The following GRM8 variants were observed in gnomAD, a reference collection of about 807,000 sequenced individuals.
The protein encoded by GRM8 is glutamate metabotropic receptor 8.
In GRM8, 47 loss-of-function variants were observed where a neutral mutation model predicts 87.2. The ratio of observed to expected loss-of-function variants is 0.54; its 90% CI spans 0.43 to 0.69. The LOEUF is 0.69. Among genes scored for constraint, GRM8 ranks in the 30% least tolerant of loss-of-function variants. The pLI is 0.00. For synonymous variants in GRM8, 396 were observed against 404.5 expected (o/e 0.98, Z 0.25); for missense variants, 1,019 against 1,139.2 (o/e 0.89, Z 1.52).
At chr7:126,735,704 G>A (rs1029116364) in intron 7 of GRM8, among the ~76,000 whole-genome samples, 2 of 151,878 alleles carry the variant, frequency 1.3e-5, no homozygotes, top group South Asian at 2.1e-4. Flanking sequence ...CTCTGTCCTC[G>A]CAGTAGACTA....
chr7:126,641,841 T>A (rs1256732457), intron 7 of GRM8, among the ~76,000 whole-genome samples: 1 of 152,152 alleles, frequency 6.6e-6, no homozygotes, highest in Non-Finnish European at 1.5e-5. Flanking sequence ...CACAAAGGTA[T>A]GAGGATCCAA....
At chr7:126,692,100 G>C (rs1808884597) in intron 7 of GRM8, among the ~76,000 whole-genome samples, 1 of 152,146 alleles carries the variant, frequency 6.6e-6, no homozygotes, top group African/African-American at 2.4e-5. Flanking sequence ...GGAGGGGAAA[G>C]CCAGGAATAG....
At chr7:126,862,968 C>T (rs972777866) in intron 6 of GRM8, among the ~76,000 whole-genome samples, 14 of 151,998 alleles carry the variant, frequency 9.2e-5, no homozygotes, top group African/African-American at 3.4e-4. Context: ...TTACTTTGTG[C>T]TTCTTCTTGT....
Position 126,533,574 on chromosome 7 carries a change from A to G in GRM8, c.1808T>C (p.Val603Ala). 3.1e-6 allele frequency: 5 copies of G among 1,614,174 alleles called. No homozygotes were observed. In the Middle Eastern group the frequency reaches 8.2e-4, roughly 266 times the overall value. ...TGTGTCATTATAGCGGACAAAGGTC[A>G]CGATCACAAAGGTGGTGGCGATGAT... ...LGIIATTFVI[V>A]TFVRYNDTPI... The change falls in exon 9 of 11, where the codon GTG becomes GCG. Residue 603 changes from valine to alanine, a missense_variant. Val to Ala is a moderately conservative substitution (Grantham distance 64, BLOSUM62 0). Coordinates refer to ENST00000339582, the MANE Select transcript of GRM8 (RefSeq NM_000845.3).
intron 3 of GRM8, among the ~76,000 whole-genome samples, chr7:126,934,840 T>G (rs1806133618): frequency 6.6e-6 from 1 of 152,224 alleles, no homozygotes; most frequent in South Asian, 2.1e-4. Flanking sequence ...TGGAGCCATG[T>G]GTCAAAAGAT....
chr7:126,908,153 C>G (rs2131269321), intron 3 of GRM8, among the ~76,000 whole-genome samples: 1 of 152,220 alleles, frequency 6.6e-6, no homozygotes, highest in African/African-American at 2.4e-5. Flanking sequence ...AATTGTAATA[C>G]TTTCGTCAGG....
At chr7:126,554,800 T>C (rs1038323464) in intron 8 of GRM8, among the ~76,000 whole-genome samples, 2 of 152,244 alleles carry the variant, frequency 1.3e-5, no homozygotes, top group Non-Finnish European at 2.9e-5. Context: ...TATTGTCATA[T>C]ATGTTATTTT....
intron 3 of GRM8, among the ~76,000 whole-genome samples, chr7:127,015,241 GAAGAAGAAGAAGAAGAAGAAA>G (rs1374276712): frequency 1.1e-4 from 13 of 120,842 alleles, no homozygotes; most frequent in African/African-American, 1.9e-4. Context: ...AGAAGAAGAA[GAAGAAGAAGAAGAAGAAGAAA>G]AGAGAGAGAG....
chr7:126,879,186 G>A (rs1411952424), intron 6 of GRM8, among the ~76,000 whole-genome samples: 1 of 145,132 alleles, frequency 6.9e-6, no homozygotes, highest in Non-Finnish European at 1.5e-5. Context: ...CGGGGGAGGG[G>A]GCAGGGAGGA....
At chr7:126,830,302 C>T (rs1795235186) in intron 6 of GRM8, among the ~76,000 whole-genome samples, 1 of 152,198 alleles carries the variant, frequency 6.6e-6, no homozygotes, top group Admixed American at 6.5e-5. Context: ...GAGTGTTTTC[C>T]AACTTGGTTC....
At chr7:127,248,954 T>C in intron 1 of GRM8, among the ~76,000 whole-genome samples, 1 of 152,206 alleles carries the variant, frequency 6.6e-6, no homozygotes, top group East Asian at 1.9e-4. Flanking sequence ...ACACTGAGCA[T>C]CTAAATCGCT....
chr7:126,978,798 T>C (rs1290102488), intron 3 of GRM8, among the ~76,000 whole-genome samples: 1 of 152,188 alleles, frequency 6.6e-6, no homozygotes, highest in African/African-American at 2.4e-5. Context: ...ATAAAGACAA[T>C]GAAAACAAAT....
intron 1 of GRM8, among the ~76,000 whole-genome samples, chr7:127,246,270 G>A (rs7797935): frequency 0.26 from 38,930 of 152,062 alleles, 5,478 homozygotes; most frequent in Middle Eastern, 0.4. Flanking sequence ...TTTAATCCAA[G>A]CTCATCCTAG....
intron 8 of GRM8, among the ~76,000 whole-genome samples, chr7:126,535,964 G>A (rs910418365): frequency 6.6e-6 from 1 of 152,182 alleles, no homozygotes; most frequent in South Asian, 2.1e-4. Context: ...CCTGAGCCAG[G>A]AAAACACAGC....
chr7:126,829,516 G>T (rs1197379974), intron 6 of GRM8, among the ~76,000 whole-genome samples: 88 of 127,972 alleles, frequency 6.9e-4, no homozygotes, highest in South Asian at 1.9e-3. Context: ...CAGAGACTAG[G>T]ATTGCAACCC....
chr7:127,089,744 G>C (rs865956036), intron 3 of GRM8, among the ~76,000 whole-genome samples: 4 of 152,242 alleles, frequency 2.6e-5, no homozygotes, highest in Admixed American at 6.5e-5. Context: ...TACACACACA[G>C]TGTTGCAATC....
intron 7 of GRM8, among the ~76,000 whole-genome samples, chr7:126,651,727 G>T (rs1371093631): frequency 6.6e-6 from 1 of 152,096 alleles, no homozygotes; most frequent in Admixed American, 6.5e-5. Context: ...TGTTAGCTGG[G>T]GTGACTGACC....
At chr7:126,610,076 C>T (rs1798768450) in intron 7 of GRM8, among the ~76,000 whole-genome samples, 1 of 152,174 alleles carries the variant, frequency 6.6e-6, no homozygotes, top group Non-Finnish European at 1.5e-5. Flanking sequence ...CCCAACTCTG[C>T]CCAGATCATG....
intron 2 of GRM8, among the ~76,000 whole-genome samples, chr7:127,238,696 T>C (rs1266302532): frequency 6.6e-6 from 1 of 152,208 alleles, no homozygotes; most frequent in Non-Finnish European, 1.5e-5. Flanking sequence ...CAGGCCCTTA[T>C]TCAACCCTCT....
Sources: allele counts gnomAD v4.1 joint callset (sites outside exome capture counted in the v4.1 genomes callset), GRCh38; gene constraint gnomAD v4.1.1; transcripts MANE v1.5; gene names NCBI Gene and HGNC (gene_info 2026-07-23, HGNC 2026-07-21).